The following CD109 variants were observed in gnomAD, a reference collection of about 807,000 sequenced individuals.
The protein encoded by CD109 is CD109 molecule.
Under a neutral mutation model 165.8 loss-of-function variants are expected in CD109, and 149 were observed. That is an observed-to-expected ratio of 0.90 (90% CI 0.79 to 1.03). CD109 has a LOEUF of 1.03. Ranked by LOEUF, CD109 falls within the 50% of genes least tolerant of loss-of-function variation. The pLI, the probability that CD109 is intolerant of heterozygous loss-of-function variation, is 0.00. For missense variants in CD109, 1,712 were observed against 1,677.8 expected (o/e 1.02, Z -0.36); for synonymous variants, 585 against 592.1 (o/e 0.99, Z 0.18).
the CD109 span, among the ~76,000 whole-genome samples, chr6:73,688,596 G>A: frequency 2.2e-4 from 33 of 152,114 alleles, no homozygotes; most frequent in Admixed American, 2.0e-3. Context: ...CTGGATAGAG[G>A]CTGGTCACCA....
At position 73,788,468 on chromosome 6, in the gene CD109, G is replaced by C. The variant is rs200758225; in HGVS notation, c.2557G>C (p.Ala853Pro). Residue 853 changes from alanine (A) to proline (P), a missense_variant and splice_region_variant, in exon 22 of 33, where the codon GCT becomes CCT. Ala to Pro is a conservative substitution (Grantham distance 27). Transcript: ENST00000287097. ...TAATTGTGTTCATTTTTTTCAACAG[G>C]CTGAAGGAATAGAAAAATCATATTC... ...DAVTQMILVK[A>P]EGIEKSYSQS... 1.7e-4 allele frequency: 271 copies of C among 1,607,678 alleles called. No homozygotes were observed. Among genetic ancestry groups the C allele is most frequent in the Admixed American group, 8.8e-4 (51 of 58,092 alleles).
chr6:73,793,874 T>C (rs763265425), intron 23 of CD109, among the ~76,000 whole-genome samples: 11 of 152,196 alleles, frequency 7.2e-5, no homozygotes, highest in Non-Finnish European at 1.6e-4. Flanking sequence ...AAAATGAGGA[T>C]TCACTATAAT....
chr6:73,775,314 A>AT (rs1562060627), intron 15 of CD109, among the ~76,000 whole-genome samples: 1 of 152,118 alleles, frequency 6.6e-6, no homozygotes, highest in Non-Finnish European at 1.5e-5. Flanking sequence ...GCATAGCTAC[A>AT]TTTTTGTGAC....
rs146504307 is a variant in CD109, at chr6:73,748,517, T to C, written c.634-8126T>C. 6.7e-3 allele frequency among the ~76,000 whole-genome samples: 1,027 copies of C among 152,354 alleles called. 5 individuals are homozygous for C. Among genetic ancestry groups the C allele is most frequent in the Non-Finnish European group, 0.01 (681 of 68,026 alleles). On this transcript the variant is annotated intron_variant, in intron 5 of 32. Coordinates refer to ENST00000287097, the MANE Select transcript of CD109 (RefSeq NM_133493.5). ...CACATATGTGGTTATTTGATAAATA[T>C]CCTTCTTTCCACTAGATCAGAAGGT...
Position 73,722,171 on chromosome 6 carries a change from C to T in CD109, c.248-1080C>T, listed in dbSNP as rs181967105. Among the ~76,000 whole-genome samples, 30 of 152,242 alleles carry T rather than the reference C, an allele frequency of 2.0e-4. 1 individual carries two copies. Among genetic ancestry groups the T allele is most frequent in the Admixed American group, 1.2e-3 (18 of 15,296 alleles). ...CTCTATCATAAAAATTTGAAGACTA[C>T]GTCTATAGGGGCATATGACATCCTC... On this transcript the variant is annotated intron_variant, in intron 2 of 32. Coordinates refer to ENST00000287097, the MANE Select transcript of CD109 (RefSeq NM_133493.5).
chr6:73,792,689 G>A lies in CD109; in HGVS notation c.2765G>A (p.Gly922Asp), dbSNP rs1211824598. ...TTGATTCGGATGCCTTATGGCTGTG[G>A]TGAACAGAACATGATAAATTTTGCT... ...ASLIRMPYGC[G>D]EQNMINFAPN... Residue 922 changes from glycine (G) to aspartate (D), a missense_variant, in exon 23 of 33, where the codon GGT (glycine) becomes GAT (aspartate). Transcript: ENST00000287097. 6.2e-7 allele frequency: 1 copy of A among 1,613,302 alleles called. No individual in the cohort carries two copies.
At chr6:73,781,835 A>ACACACACACACACACACACACACACCC (rs150665697) in intron 17 of CD109, among the ~76,000 whole-genome samples, 9 of 144,420 alleles carry the variant, frequency 6.2e-5, no homozygotes, top group Middle Eastern at 7.1e-3. Context: ...ACACACACAC[A>ACACACACACACACACACACACACACCC]CCCCTCATCA....
At chr6:73,752,932 C>T (rs376344035) in intron 5 of CD109, among the ~76,000 whole-genome samples, 62 of 152,188 alleles carry the variant, frequency 4.1e-4, no homozygotes, top group African/African-American at 7.9e-4. Context: ...GTACTTCCTA[C>T]GAAAAGACTG....
chr6:73,792,401 T>TCCTCTTTCATCACATG lies in CD109; in HGVS notation c.2702-224_2702-209dup, dbSNP rs528378231. 7.7e-4 allele frequency among the ~76,000 whole-genome samples: 117 copies of TCCTCTTTCATCACATG among 152,336 alleles called. 1 individual carries two copies. The highest frequency in any genetic ancestry group is 2.7e-3 in the African/African-American group (112 of 41,582). On this transcript the variant is annotated intron_variant, in intron 22 of 32. Transcript: ENST00000287097. The stretch of plus-strand genomic sequence containing the variant: ...CACATGCTTAACTGAGCTAAAAATG[T>TCCTCTTTCATCACATG]CCTCTTTCATCACATGACCTACAAG...
At chr6:73,741,257 T>C (rs923254872) in intron 5 of CD109, among the ~76,000 whole-genome samples, 1 of 152,230 alleles carries the variant, frequency 6.6e-6, no homozygotes, top group African/African-American at 2.4e-5. Context: ...TATTCTAGTG[T>C]GAATAGTTCT....
At chr6:73,765,838 A>G in intron 10 of CD109, 92 bp from the exon 11 acceptor site, 1 of 899,050 alleles carries the variant, frequency 1.1e-6, no homozygotes, top group Non-Finnish European at 1.7e-6. Flanking sequence ...AATTTTTGAG[A>G]GTTCAATTTC....
At chr6:73,737,952 C>T (rs1419104979) in intron 5 of CD109, among the ~76,000 whole-genome samples, 1 of 152,172 alleles carries the variant, frequency 6.6e-6, no homozygotes, top group Non-Finnish European at 1.5e-5. Context: ...ATCCATCGAT[C>T]CTTCTATCCA....
chr6:73,696,166 C>T (rs1231112478), upstream of CD109: 1 of 1,523,908 alleles, frequency 6.6e-7, no homozygotes, highest in Non-Finnish European at 8.8e-7. Context: ...CCCCACGGTG[C>T]CCGCGAACTT....
At chr6:73,754,002 G>A (rs1274485034) in intron 5 of CD109, among the ~76,000 whole-genome samples, 3 of 152,198 alleles carry the variant, frequency 2.0e-5, no homozygotes, top group Non-Finnish European at 2.9e-5. Context: ...TGGACACAAA[G>A]CAAATGATTA....
chr6:73,720,105 A>G (rs566716261), intron 2 of CD109, among the ~76,000 whole-genome samples: 6 of 152,308 alleles, frequency 3.9e-5, no homozygotes, highest in East Asian at 1.9e-4. Flanking sequence ...GTGTCCATCA[A>G]TGGATAAATG....
At position 73,696,287 on chromosome 6, in the gene CD109, C is replaced by T. The variant is rs777648758; in HGVS notation, c.72C>T (p.Pro24=). The change falls in exon 1 of 33, where the codon CCC becomes CCT. Residue 24 remains proline, a splice_region_variant and synonymous_variant. Coordinates refer to ENST00000287097, the MANE Select transcript of CD109 (RefSeq NM_133493.5). ...CVCTAALAVA[P]GPRFLVTAPG... is the part of the protein sequence containing the mutation. ...GCACCGCCGCGCTGGCCGTGGCTCC[C>T]GGGTAGGAACGTGGGCGCGCGGGGG... The T allele has an allele frequency of 2.0e-6, 3 of 1,518,774 alleles. No homozygotes were observed. Among genetic ancestry groups the T allele is most frequent in the Non-Finnish European group, 8.8e-7 (1 of 1,139,566 alleles). The allele number at this position is 1,518,774 out of a possible 1,614,324, so 94.1% of individuals were successfully genotyped here. A position where few individuals can be genotyped will look rare whatever the true frequency, so the allele number is the denominator to read the frequency against.
chr6:73,767,561 G>T (rs147723272), intron 13 of CD109, among the ~76,000 whole-genome samples: 28 of 151,854 alleles, frequency 1.8e-4, no homozygotes, highest in Non-Finnish European at 4.4e-5. Context: ...TTAGCCTGTC[G>T]TTTTAACATT....
Position 73,696,239 on chromosome 6 carries a change from C to T in CD109, c.24C>T (p.Thr8=), listed in dbSNP as rs945505036. Residue 8 remains threonine, a synonymous_variant, in exon 1 of 33, where the codon ACC becomes ACT. Coordinates refer to ENST00000287097, the MANE Select transcript of CD109 (RefSeq NM_133493.5). ...AGATGCAGGGCCCACCGCTCCTGAC[C>T]GCCGCCCACCTCCTCTGCGTGTGCA... MQGPPLL[T]AAHLLCVCTA... 1.9e-6 allele frequency: 3 copies of T among 1,543,806 alleles called. No homozygotes were observed. The highest frequency in any genetic ancestry group is 2.7e-5 in the African/African-American group (2 of 72,730).
Position 73,781,110 on chromosome 6 carries a change from A to G in CD109, c.1903-149A>G, listed in dbSNP as rs1355439661. 1.3e-5 allele frequency: 8 copies of G among 608,144 alleles called. No homozygotes were observed. The East Asian group carries it at 2.3e-4, about 17-fold the overall frequency. 37.7% of individuals were successfully genotyped at this position (608,144 alleles called of 1,614,324 possible). On this transcript the variant is annotated intron_variant, in intron 16 of 32. Coordinates refer to ENST00000287097, the MANE Select transcript of CD109 (RefSeq NM_133493.5). The stretch of plus-strand genomic sequence containing the variant: ...GTGCGTGTGTGTGTGTGTTTGAGTG[A>G]GAGACAGAAAGGTTGAATGTATGTG...
Sources: allele counts gnomAD v4.1 joint callset (sites outside exome capture counted in the v4.1 genomes callset), GRCh38; gene constraint gnomAD v4.1.1; transcripts MANE v1.5; gene names NCBI Gene and HGNC (gene_info 2026-07-23, HGNC 2026-07-21).